Variants in SLF1 observed in about 807,000 individuals in gnomAD.
SLF1 encodes the protein SMC5/6 complex localization factor 1, also known as SMC5-SMC6 complex localization factor protein 1.
Under a neutral mutation model 123.0 loss-of-function variants are expected in SLF1, and 105 were observed. The ratio of observed to expected loss-of-function variants is 0.85; its 90% CI spans 0.73 to 1.00. The LOEUF (loss-of-function observed/expected upper bound fraction) is 1.00. Ranked by LOEUF, SLF1 falls within the 50% of genes least tolerant of loss-of-function variation. SLF1 has a pLI of 0.00. For synonymous variants in SLF1, 434 were observed against 406.6 expected (o/e 1.07, Z -0.81); for missense variants, 1,239 against 1,223.0 (o/e 1.01, Z -0.20).
chr5:94,669,209 CT>C (rs1750155077), intron 12 of SLF1, among the ~76,000 whole-genome samples: 2 of 152,114 alleles, frequency 1.3e-5, no homozygotes, highest in Admixed American at 6.5e-5. Flanking sequence ...CGTAAGTTCT[CT>C]ATCTCTGACA....
At chr5:94,630,366 A>G (rs1267357572) in intron 3 of SLF1, 137 bp from the exon 4 acceptor site, 3 of 1,014,930 alleles carry the variant, frequency 3.0e-6, no homozygotes, top group African/African-American at 3.2e-5. Flanking sequence ...CCCAAAATGC[A>G]TAGTTCAAAG....
In SLF1 at chr5:94,697,268, G is replaced by C. The variant is rs1384224515; in HGVS notation, c.*1956G>C. On this transcript the variant is annotated 3_prime_UTR_variant, in exon 21 of 21. Coordinates refer to ENST00000265140, the MANE Select transcript of SLF1 (RefSeq NM_032290.4). ...TTCTGTGCCCTGGCTAACAATACCA[G>C]TATATGAGTATGAATCTAAATGTTC... 1 of 151,764 alleles carries C rather than the reference G, an allele frequency of 6.6e-6. No homozygotes were observed. The highest frequency in any genetic ancestry group is 2.4e-5 in the African/African-American group (1 of 41,340). The allele number at this position is 151,764 out of a possible 1,614,324, so 9.4% of individuals were successfully genotyped here.
chr5:94,666,011 G>T lies in SLF1; in HGVS notation c.1519G>T (p.Glu507Ter). 6.5e-7 allele frequency: 1 copy of T among 1,549,604 alleles called. No homozygotes were observed. ...TATGAAAGGAGCATGGTCTTTAGTA[G>T]AAGTCCTTATCAGGTAAGGAATTTC... Reference protein sequence around the residue: ...TCMKGAWSLVEVLIRSCLFNE... With the variant: ...TCMKGAWSLV Residue 507 changes from glutamate (E) to a stop codon, truncating the protein, a stop_gained, in exon 12 of 21, where the codon GAA (glutamate) becomes TAA (stop). Coordinates refer to ENST00000265140, the MANE Select transcript of SLF1 (RefSeq NM_032290.4). LOFTEE classifies it high-confidence loss of function.
intron 16 of SLF1, 120 bp downstream of exon 16, chr5:94,686,838 A>C: frequency 8.5e-7 from 1 of 1,181,370 alleles, no homozygotes; most frequent in Admixed American, 2.8e-5. Context: ...CCCAGGCTGG[A>C]GTGCAGTGGC....
chr5:94,691,969 G>A, intron 19 of SLF1, 105 bp from the exon 20 acceptor site: 1 of 1,023,238 alleles, frequency 9.8e-7, no homozygotes, highest in Non-Finnish European at 1.4e-6. Flanking sequence ...TTTTGTATAT[G>A]AAGCACCTAG....
chr5:94,648,335 C>T (rs942244174), intron 5 of SLF1, among the ~76,000 whole-genome samples: 8 of 152,122 alleles, frequency 5.3e-5, no homozygotes, highest in Non-Finnish European at 1.0e-4. Context: ...AAGGAACGGC[C>T]CTCATTTTAA....
intron 14 of SLF1, among the ~76,000 whole-genome samples, chr5:94,674,909 A>G (rs1256311905): frequency 6.6e-6 from 1 of 152,240 alleles, no homozygotes; most frequent in African/African-American, 2.4e-5. Context: ...GCTAGTTTAT[A>G]TTAATAGATA....
At chr5:94,686,528 A>G (rs773481574) in intron 15 of SLF1, 45 bp from the exon 16 acceptor site, 3 of 1,595,670 alleles carry the variant, frequency 1.9e-6, no homozygotes, top group East Asian at 2.2e-5. Flanking sequence ...AAAAAATTGT[A>G]TAGGATACAG....
rs760327270 is a variant in SLF1 at position 94,688,583 on chromosome 5, A to G, written c.2199A>G (p.Gly733=). 2.5e-6 allele frequency: 4 copies of G among 1,614,126 alleles called. No homozygotes were observed. Among genetic ancestry groups the G allele is most frequent in the Non-Finnish European group, 3.4e-6 (4 of 1,179,978 alleles). Residue 733 remains glycine (G), a synonymous_variant, in exon 17 of 21, where the codon GGA becomes GGG. Coordinates refer to ENST00000265140, the MANE Select transcript of SLF1 (RefSeq NM_032290.4). ...SGKIQVSKKI[G]QRPCFDSQRT... Reference sequence around the variant, plus strand: ...AGATTCAGGTGTCAAAGAAAATAGGACAGCGGCCTTGTTTTGACTCTCAGA... The same window carrying G: ...AGATTCAGGTGTCAAAGAAAATAGGGCAGCGGCCTTGTTTTGACTCTCAGA...
At chr5:94,687,220 G>T (rs566563337) in intron 16 of SLF1, among the ~76,000 whole-genome samples, 2 of 151,172 alleles carry the variant, frequency 1.3e-5, no homozygotes, top group South Asian at 2.1e-4. Flanking sequence ...GTAGGTGAGT[G>T]CCTGCAGGTG....
Position 94,695,297 on chromosome 5 carries a change from C to A in SLF1, c.3162C>A (p.Val1054=). The A allele has an allele frequency of 6.2e-7, 1 of 1,605,662 alleles. No individual in the cohort carries two copies. The highest frequency in any genetic ancestry group is 1.1e-5 in the South Asian group (1 of 89,964). The part of the protein sequence containing the change: ...MITLEMMCRS[V]MEFS ...CATTGGAAATGATGTGTCGGTCAGT[C>A]ATGGAGTTTTCATGATGATGCTAGA... The change falls in exon 21 of 21, where the codon GTC becomes GTA. Residue 1054 remains valine (V), a synonymous_variant. Coordinates refer to ENST00000265140, the MANE Select transcript of SLF1 (RefSeq NM_032290.4).
intron 15 of SLF1, among the ~76,000 whole-genome samples, chr5:94,685,742 G>A (rs1752339425): frequency 1.3e-5 from 2 of 152,000 alleles, no homozygotes; most frequent in East Asian, 3.9e-4. Flanking sequence ...GGCTGAGGCA[G>A]GAGAATCGCT....
chr5:94,629,819 A>G (rs1178077968), intron 3 of SLF1: 5 of 152,258 alleles, frequency 3.3e-5, no homozygotes, highest in Admixed American at 6.5e-5. Context: ...TACATTGTCC[A>G]TAATGTTCAA....
chr5:94,623,490 TC>T (rs940724054), intron 1 of SLF1, among the ~76,000 whole-genome samples: 1 of 152,090 alleles, frequency 6.6e-6, no homozygotes, highest in Admixed American at 6.6e-5. Flanking sequence ...GCTTTTTTTT[TC>T]CCTCCTTTTT....
rs1197549493 is a variant in SLF1, at chr5:94,649,559, A to G, written c.700A>G (p.Met234Val). The G allele has an allele frequency of 1.1e-5, 17 of 1,537,908 alleles. No individual in the cohort carries two copies. The East Asian group carries it at 2.7e-4, about 24-fold the overall frequency. The change falls in exon 6 of 21, where the codon ATG becomes GTG. Residue 234 changes from methionine (M) to valine (V), a missense_variant. Transcript: ENST00000265140. The stretch of plus-strand genomic sequence containing the variant: ...CAGGAAAGATGCAGGATTTCTTGAA[A>G]TGAAAGGTGCCTTAAGAGAGACCAT... The part of the protein sequence containing the change: ...DFRKDAGFLE[M>V]KGALRETMYR...
At position 94,697,549 on chromosome 5, in the gene SLF1, T is replaced by C. The variant is rs909716501; in HGVS notation, c.*2237T>C. 1 of 151,880 alleles carries C rather than the reference T, an allele frequency of 6.6e-6. No individual in the cohort carries two copies. Among genetic ancestry groups the C allele is most frequent in the Non-Finnish European group, 1.5e-5 (1 of 67,892 alleles). 9.4% of individuals were successfully genotyped at this position (151,880 alleles called of 1,614,324 possible). On this transcript the variant is annotated 3_prime_UTR_variant, in exon 21 of 21. Coordinates refer to ENST00000265140, the MANE Select transcript of SLF1 (RefSeq NM_032290.4). ...GTGATATCATAGTTCTATGGAATCA[T>C]ATTTTTTAAATTTCTGTAAGAGACC...
chr5:94,689,433 T>A, intron 17 of SLF1, 40 bp from the exon 18 acceptor site: 3 of 1,589,412 alleles, frequency 1.9e-6, no homozygotes, highest in Non-Finnish European at 1.7e-6. Flanking sequence ...CACGCCTTGC[T>A]GAAAAACAAG....
At position 94,662,280 on chromosome 5, in the gene SLF1, A is replaced by G. The variant is rs1038177365; in HGVS notation, c.1156-18A>G. ...AATCTTAAAATGTTGTTTTAATTAT[A>G]TGGTTGCTCTTTTGTAGGCTGTCAG... On this transcript the variant is annotated intron_variant, in intron 9 of 20. Transcript: ENST00000265140. 1.3e-6 allele frequency: 2 copies of G among 1,535,804 alleles called. No homozygotes were observed. The highest frequency in any genetic ancestry group is 2.5e-5 in the East Asian group (1 of 40,510).
intron 14 of SLF1, 125 bp from the exon 15 acceptor site, chr5:94,678,683 A>G: frequency 5.1e-6 from 4 of 779,238 alleles, no homozygotes; most frequent in Non-Finnish European, 7.9e-6. Context: ...GAATACCTTT[A>G]ATCATTACAT....
Sources: gnomAD v4.1 joint callset for allele counts (sites outside exome capture counted in the v4.1 genomes callset) on GRCh38, gnomAD v4.1.1 for gene constraint, MANE v1.5 for transcripts, NCBI Gene and HGNC (gene_info 2026-07-23, HGNC 2026-07-21) for gene names.